Variants in KHDC1 observed in about 807,000 individuals in gnomAD.
KHDC1 encodes the protein KH domain containing 1.
A neutral mutation model predicts 24.7 loss-of-function variants in KHDC1; 21 were observed. That is an observed-to-expected ratio of 0.85 (90% CI 0.60 to 1.23). The LOEUF (loss-of-function observed/expected upper bound fraction) is 1.23, where lower values mean the gene tolerates loss of function less well. Ranked by LOEUF, KHDC1 falls within the 50% of genes most tolerant of loss-of-function variation. KHDC1 has a pLI of 0.00. For synonymous variants in KHDC1, 98 were observed against 111.7 expected (o/e 0.88, Z 0.77); for missense variants, 274 against 298.5 (o/e 0.92, Z 0.61).
At position 73,244,067 on chromosome 6, in the gene KHDC1, C is replaced by T. The variant is rs148787456; in HGVS notation, c.207-1537G>A. Among the ~76,000 whole-genome samples, 5 of 152,222 alleles carry T rather than the reference C, an allele frequency of 3.3e-5. No individual in the cohort carries two copies. In the East Asian group the frequency reaches 9.6e-4, roughly 29 times the overall value. ...GGTCTCCTGAATAGTCCATACTTGCCTCATTTTAGGTGTCTGAGTACCTTT... is the reference window on the plus strand; with the variant it reads ...GGTCTCCTGAATAGTCCATACTTGCTTCATTTTAGGTGTCTGAGTACCTTT... On this transcript the variant is annotated intron_variant, in intron 2 of 4. Coordinates refer to ENST00000370384, the Ensembl canonical transcript of KHDC1.
chr6:73,286,958 C>T (rs1767534670), intron 2 of KHDC1, among the ~76,000 whole-genome samples: 2 of 151,962 alleles, frequency 1.3e-5, no homozygotes, highest in Admixed American at 1.3e-4. Flanking sequence ...TGACGCAATC[C>T]TACTACCAGG....
intron 2 of KHDC1, among the ~76,000 whole-genome samples, chr6:73,246,521 T>A (rs1028663794): frequency 6.6e-6 from 1 of 152,126 alleles, no homozygotes; most frequent in Non-Finnish European, 1.5e-5. Flanking sequence ...TCACGAGAAT[T>A]AAGGAGGGCA....
chr6:73,274,444 G>A (rs1039968128), intron 2 of KHDC1: 2 of 152,098 alleles, frequency 1.3e-5, no homozygotes, highest in African/African-American at 4.8e-5. Flanking sequence ...TTGGCTCTGT[G>A]TCCCCACCCA....
intron 2 of KHDC1, among the ~76,000 whole-genome samples, chr6:73,277,523 G>T (rs1767319965): frequency 6.6e-6 from 1 of 152,090 alleles, no homozygotes; most frequent in African/African-American, 2.4e-5. Context: ...TAGCTTAAAT[G>T]ACAAAACACA....
intron 2 of KHDC1, among the ~76,000 whole-genome samples, chr6:73,281,594 G>C (rs183655691): frequency 1.4e-5 from 2 of 147,920 alleles, no homozygotes; most frequent in Non-Finnish European, 3.0e-5. Flanking sequence ...TCCAGCCTGG[G>C]CAGTAAGAGT....
chr6:73,281,956 G>A (rs1008338707), intron 2 of KHDC1, among the ~76,000 whole-genome samples: 2 of 151,732 alleles, frequency 1.3e-5, no homozygotes, highest in African/African-American at 2.4e-5. Context: ...GGTGGCTCAC[G>A]CCTGTAATCC....
chr6:73,254,716 C>T (rs969816695), intron 2 of KHDC1, among the ~76,000 whole-genome samples: 1 of 151,868 alleles, frequency 6.6e-6, no homozygotes, highest in Non-Finnish European at 1.5e-5. Flanking sequence ...AAACAGGTTT[C>T]TTATGGCCAG....
At chr6:73,278,453 G>A (rs1331673284) in intron 2 of KHDC1, among the ~76,000 whole-genome samples, 1 of 151,898 alleles carries the variant, frequency 6.6e-6, no homozygotes, top group Non-Finnish European at 1.5e-5. Flanking sequence ...TGAACTCCTG[G>A]CCTCAAACAA....
chr6:73,241,575 TGGTAAGG>T lies in KHDC1; in HGVS notation c.661_667del (p.Pro221LysfsTer2). On this transcript the variant is annotated frameshift_variant, in exon 5 of 5. Coordinates refer to ENST00000370384, the Ensembl canonical transcript of KHDC1. LOFTEE classifies it low-confidence loss of function (END_TRUNC). ...ATGGAAACCCGAACAACCAATCACT[TGGTAAGG>T]GGAAGGCTGAGGAACGCTAAGACAC... 1 of 1,614,020 alleles carries T rather than the reference TGGTAAGG, an allele frequency of 6.2e-7. No homozygotes were observed. Among genetic ancestry groups the T allele is most frequent in the Admixed American group, 1.7e-5 (1 of 60,016 alleles).
intron 2 of KHDC1, among the ~76,000 whole-genome samples, chr6:73,282,328 T>C (rs1040789687): frequency 1.4e-4 from 22 of 151,774 alleles, no homozygotes; most frequent in African/African-American, 5.3e-4. Flanking sequence ...GCCATTTTCA[T>C]CACATTATAC....
exon 1 of KHDC1, chr6:73,309,872 C>G: frequency 1.3e-6 from 1 of 760,522 alleles, no homozygotes. Flanking sequence ...CGGGGTCAAC[C>G]CAGACTGGAC....
At chr6:73,250,495 C>G (rs1483794343) in intron 2 of KHDC1, among the ~76,000 whole-genome samples, 1 of 152,244 alleles carries the variant, frequency 6.6e-6, no homozygotes, top group Non-Finnish European at 1.5e-5. Flanking sequence ...GAAGAGGAAG[C>G]CAACACAAGG....
At chr6:73,289,978 T>C (rs572597048) in intron 2 of KHDC1, among the ~76,000 whole-genome samples, 1 of 149,840 alleles carries the variant, frequency 6.7e-6, no homozygotes, top group East Asian at 2.0e-4. Context: ...CGGGCGCCTG[T>C]AGTCCCAGCT....
intron 2 of KHDC1, among the ~76,000 whole-genome samples, chr6:73,246,562 A>G (rs1309061344): frequency 1.3e-5 from 2 of 152,206 alleles, no homozygotes; most frequent in African/African-American, 4.8e-5. Context: ...TTACCCCATT[A>G]AAGTATATTA....
chr6:73,283,315 C>T (rs1227372422), intron 2 of KHDC1, among the ~76,000 whole-genome samples: 1 of 151,144 alleles, frequency 6.6e-6, no homozygotes, highest in Non-Finnish European at 1.5e-5. Flanking sequence ...TGTGTGGACT[C>T]AAGTGTTACT....
At chr6:73,303,166 A>C (rs767771887) in intron 1 of KHDC1, among the ~76,000 whole-genome samples, 34 of 152,352 alleles carry the variant, frequency 2.2e-4, no homozygotes, top group Non-Finnish European at 4.6e-4. Flanking sequence ...TAAACCAGGC[A>C]CAGAAAGAAA....
At chr6:73,301,486 G>C (rs933153475) in intron 1 of KHDC1, 6 of 152,200 alleles carry the variant, frequency 3.9e-5, no homozygotes, top group Admixed American at 6.6e-5. Context: ...CGACGGAATT[G>C]TGTATGCAGT....
At chr6:73,266,950 A>T (rs1767084868) in intron 2 of KHDC1, among the ~76,000 whole-genome samples, 1 of 152,240 alleles carries the variant, frequency 6.6e-6, no homozygotes, top group Non-Finnish European at 1.5e-5. Flanking sequence ...ACTATTCAGG[A>T]GGCTGAGGCA....
chr6:73,249,553 T>C (rs1766740788), intron 2 of KHDC1, among the ~76,000 whole-genome samples: 1 of 152,094 alleles, frequency 6.6e-6, no homozygotes, highest in African/African-American at 2.4e-5. Context: ...GGTTTGCAAG[T>C]GTAACACATG....
Sources: allele counts gnomAD v4.1 joint callset (sites outside exome capture counted in the v4.1 genomes callset), GRCh38; gene constraint gnomAD v4.1.1; transcripts MANE v1.5; gene names NCBI Gene and HGNC (gene_info 2026-07-23, HGNC 2026-07-21).